LINC00305: variants seen among roughly 807,000 people sequenced by gnomAD.
LINC00305 encodes the protein long independently transcribed non-coding RNA 305.
At chr18:64,121,323 C>A (rs1599221788) in intron 1 of LINC00305, among the ~76,000 whole-genome samples, 2 of 151,838 alleles carry the variant, frequency 1.3e-5, no homozygotes, top group South Asian at 4.2e-4. Flanking sequence ...TACCCCAAAA[C>A]CTCCGTCATC....
Position 64,098,996 on chromosome 18 carries a change from G to A in LINC00305, n.315-356C>T, listed in dbSNP as rs188891061. Among the ~76,000 whole-genome samples, 5 of 152,294 alleles carry A rather than the reference G, an allele frequency of 3.3e-5. No individual in the cohort carries two copies. In the East Asian group the frequency reaches 9.7e-4, roughly 29 times the overall value. ...CAGTCATCCCATGAATAGAAGGAAAGTGGGGTGTTTGAGCAGAGAGGATAT... is the reference window on the plus strand; with the variant it reads ...CAGTCATCCCATGAATAGAAGGAAAATGGGGTGTTTGAGCAGAGAGGATAT... On this transcript the variant is annotated intron_variant and non_coding_transcript_variant, in intron 1 of 3. Coordinates refer to ENST00000666468, the Ensembl canonical transcript of LINC00305.
intron 1 of LINC00305, among the ~76,000 whole-genome samples, chr18:64,123,392 A>G (rs1327514009): frequency 6.6e-6 from 1 of 152,060 alleles, no homozygotes; most frequent in Non-Finnish European, 1.5e-5. Context: ...TTTTTTAGGA[A>G]TATTTAAGAC....
intron 1 of LINC00305, among the ~76,000 whole-genome samples, chr18:64,134,975 A>T (rs2051425782): frequency 6.6e-6 from 1 of 152,172 alleles, no homozygotes; most frequent in Non-Finnish European, 1.5e-5. Flanking sequence ...AAAGTACCAC[A>T]AGTTGGGGAA....
intron 2 of LINC00305, among the ~76,000 whole-genome samples, chr18:64,098,344 G>C (rs2676669): frequency 0.13 from 19,563 of 152,150 alleles, 1,362 homozygotes; most frequent in Non-Finnish European, 0.16. Flanking sequence ...CTAGAGTGCA[G>C]AATGCAACAA....
At chr18:64,091,426 C>T (rs914496621) in intron 3 of LINC00305, among the ~76,000 whole-genome samples, 4 of 152,278 alleles carry the variant, frequency 2.6e-5, no homozygotes, top group South Asian at 4.1e-4. Flanking sequence ...ATGTGCAAAA[C>T]GCAAGTTCAA....
chr18:64,080,711 T>C (rs1446084157), intron 3 of LINC00305, among the ~76,000 whole-genome samples: 1 of 152,106 alleles, frequency 6.6e-6, no homozygotes. Context: ...AACAATACAA[T>C]GATAAGTGAA....
intron 1 of LINC00305, among the ~76,000 whole-genome samples, chr18:64,110,309 A>G (rs1356760982): frequency 6.6e-6 from 1 of 152,230 alleles, no homozygotes; most frequent in African/African-American, 2.4e-5. Context: ...TCTGCTTATT[A>G]GTTGCATTTT....
At chr18:64,108,479 C>A (rs113147604) in intron 1 of LINC00305, among the ~76,000 whole-genome samples, 7 of 152,264 alleles carry the variant, frequency 4.6e-5, no homozygotes, top group African/African-American at 1.4e-4. Context: ...TCAATCTAAC[C>A]ATAACTGCTA....
At position 64,087,821 on chromosome 18, in the gene LINC00305, C is replaced by T. The variant is rs112628304; in HGVS notation, n.541-7419G>A. ...ATTCAGAGAGAAGCAGCCAGGCGTG[C>T]TGGCTCACGCCTGTAATCCCAGCAC... On this transcript the variant is annotated intron_variant and non_coding_transcript_variant, in intron 3 of 3. Coordinates refer to ENST00000666468, the Ensembl canonical transcript of LINC00305. Among the ~76,000 whole-genome samples, 1,173 of 151,904 alleles carry T rather than the reference C, an allele frequency of 7.7e-3. 18 individuals carry two copies. Among genetic ancestry groups the T allele is most frequent in the African/African-American group, 0.027 (1,102 of 41,432 alleles).
chr18:64,115,975 T>G (rs2051335875), intron 1 of LINC00305, among the ~76,000 whole-genome samples: 1 of 152,110 alleles, frequency 6.6e-6, no homozygotes, highest in South Asian at 2.1e-4. Flanking sequence ...TAGGAGAAAA[T>G]GTACTTTTCC....
At chr18:64,139,887 C>G (rs1278547475) in intron 1 of LINC00305, among the ~76,000 whole-genome samples, 1 of 152,162 alleles carries the variant, frequency 6.6e-6, no homozygotes, top group Non-Finnish European at 1.5e-5. Context: ...AGCAACCCGT[C>G]TTACTCAGAA....
chr18:64,104,670 G>T (rs1427636904), intron 1 of LINC00305, among the ~76,000 whole-genome samples: 3 of 152,186 alleles, frequency 2.0e-5, no homozygotes, highest in Non-Finnish European at 4.4e-5. Flanking sequence ...ACCTTGAAGG[G>T]GCAAATCCTC....
intron 3 of LINC00305, among the ~76,000 whole-genome samples, chr18:64,082,868 C>T (rs1244367798): frequency 1.3e-5 from 2 of 152,008 alleles, no homozygotes; most frequent in African/African-American, 4.8e-5. Context: ...TCTTTTCTTT[C>T]ATTTTAATCT....
chr18:64,138,025 A>G (rs1023961710), intron 1 of LINC00305, among the ~76,000 whole-genome samples: 1 of 152,204 alleles, frequency 6.6e-6, no homozygotes, highest in Non-Finnish European at 1.5e-5. Context: ...CCAAATGTCA[A>G]TGCTATTGGG....
intron 1 of LINC00305, among the ~76,000 whole-genome samples, chr18:64,135,659 C>T (rs546706285): frequency 6.6e-5 from 10 of 152,280 alleles, no homozygotes; most frequent in Admixed American, 1.3e-4. Context: ...GATCTCAGCT[C>T]GCTGCAGCCT....
At chr18:64,099,950 C>T (rs897619052) in intron 1 of LINC00305, among the ~76,000 whole-genome samples, 5 of 152,130 alleles carry the variant, frequency 3.3e-5, no homozygotes, top group Non-Finnish European at 5.9e-5. Context: ...TAAGGTGTTC[C>T]GTGTTGCCCT....
At chr18:64,135,070 C>T (rs4941246) in intron 1 of LINC00305, among the ~76,000 whole-genome samples, 92,136 of 152,010 alleles carry the variant, frequency 0.61, 28,273 homozygotes, top group East Asian at 0.81. Context: ...TTCCTTTTGA[C>T]CACTGTGGGG....
At chr18:64,088,089 G>A (rs2051210954) in intron 3 of LINC00305, among the ~76,000 whole-genome samples, 1 of 151,832 alleles carries the variant, frequency 6.6e-6, no homozygotes, top group Non-Finnish European at 1.5e-5. Flanking sequence ...GCCGTGAGCC[G>A]AGATCGCACC....
At chr18:64,116,115 T>G (rs1384287630) in intron 1 of LINC00305, among the ~76,000 whole-genome samples, 1 of 152,234 alleles carries the variant, frequency 6.6e-6, no homozygotes, top group Non-Finnish European at 1.5e-5. Flanking sequence ...CTTTCCATTA[T>G]TGCGACATCC....
Sources: allele counts gnomAD v4.1 joint callset (sites outside exome capture counted in the v4.1 genomes callset), GRCh38; gene constraint gnomAD v4.1.1; transcripts MANE v1.5; gene names NCBI Gene and HGNC (gene_info 2026-07-23, HGNC 2026-07-21).